The following CTDSP1 variants were observed in gnomAD, a reference collection of about 807,000 sequenced individuals.
CTDSP1 encodes carboxy-terminal domain RNA polymerase II polypeptide A small phosphatase 1.
Under a neutral mutation model 32.5 loss-of-function variants are expected in CTDSP1, and 15 were observed. The ratio of observed to expected loss-of-function variants is 0.46; its 90% confidence interval spans 0.31 to 0.71. The LOEUF is 0.71. Among genes scored for constraint, CTDSP1 ranks in the 30% least tolerant of loss-of-function variants. CTDSP1 has a pLI of 0.05. For synonymous variants in CTDSP1, 185 were observed against 145.4 expected (o/e 1.27, Z -1.96); for missense variants, 294 against 351.1 (o/e 0.84, Z 1.30).
rs906183602 is a variant in CTDSP1, at chr2:218,403,432, G to A, written c.657+15G>A. The stretch of plus-strand genomic sequence containing the variant: ...CAGACAATGCTGTGAGTGCGGGCTG[G>A]ACTGGGACTGGGACAGGAGCTGAGA... On this transcript the variant is annotated intron_variant, in intron 6 of 6. Transcript: ENST00000273062. The A allele has an allele frequency of 6.4e-7, 1 of 1,561,500 alleles. No individual in the cohort carries two copies.
chr2:218,400,610 C>T (rs1307150574), intron 1 of CTDSP1: 1 of 393,548 alleles, frequency 2.5e-6, no homozygotes, highest in Admixed American at 2.9e-5. Flanking sequence ...TGACAGCAGG[C>T]TGGGGAGGCT....
At chr2:218,402,054 G>A (rs902298326) in intron 2 of CTDSP1, 57 bp from the exon 3 acceptor site, 1 of 1,204,172 alleles carries the variant, frequency 8.3e-7, no homozygotes, top group Non-Finnish European at 1.2e-6. Flanking sequence ...AAGCCTGCGT[G>A]GGAGGAAGGA....
chr2:218,403,944 C>G (rs985491465), intron 6 of CTDSP1, among the ~76,000 whole-genome samples: 3 of 152,044 alleles, frequency 2.0e-5, no homozygotes, highest in African/African-American at 7.2e-5. Context: ...CCTGGAGTCC[C>G]GGCTATGCAG....
In CTDSP1 at chr2:218,401,570, A is replaced by G. The variant is rs759244769; in HGVS notation, c.74A>G (p.Gln25Arg). 4.3e-6 allele frequency: 7 copies of G among 1,613,798 alleles called. No individual in the cohort carries two copies. The highest frequency in any genetic ancestry group is 5.9e-6 in the Non-Finnish European group (7 of 1,179,914). Residue 25 changes from glutamine to arginine, a missense_variant, in exon 2 of 7, where the codon CAG (glutamine) becomes CGG (arginine). Coordinates refer to ENST00000273062, the MANE Select transcript of CTDSP1 (RefSeq NM_021198.3). ...TTGTGCCTCCCTACTTCAGGTGACC[A>G]GAAGTCAGCAGCTTCCCAGAAGCCC... ...ARGPLRGKGD[Q>R]KSAASQKPRS... is the part of the protein sequence containing the mutation.
chr2:218,401,011 G>A, intron 1 of CTDSP1: 1 of 443,798 alleles, frequency 2.3e-6, no homozygotes, highest in Admixed American at 2.4e-5. Flanking sequence ...CAATCAGGCT[G>A]CTGGGCTCCA....
At chr2:218,402,612 C>G (rs775574642) in intron 4 of CTDSP1, 1 of 756,568 alleles carries the variant, frequency 1.3e-6, no homozygotes, top group East Asian at 2.5e-5. Flanking sequence ...CTCCTCTAGG[C>G]TCCCCCGTGC....
chr2:218,401,020 C>T (rs1206980626), intron 1 of CTDSP1: 2 of 438,896 alleles, frequency 4.6e-6, no homozygotes, highest in East Asian at 1.4e-4. Flanking sequence ...TGCTGGGCTC[C>T]AGGTCGGAGG....
chr2:218,403,051 G>T lies in CTDSP1; in HGVS notation c.395G>T (p.Arg132Leu). The T allele has an allele frequency of 6.2e-7, 1 of 1,613,946 alleles. No homozygotes were observed. The highest frequency in any genetic ancestry group is 8.5e-7 in the Non-Finnish European group (1 of 1,179,944). Residue 132 changes from arginine to leucine, a missense_variant, in exon 5 of 7, where the codon CGT (arginine) becomes CTT (leucine). This residue lies in a region of CTDSP1 where 146 missense variants were observed against 237.7 expected (regional missense o/e 0.61). Transcript: ENST00000273062. The part of the protein sequence containing the change: ...GVVHQVYVLK[R>L]PHVDEFLQRM... ...GCCCCCCAGGTCTACGTGTTGAAGC[G>T]TCCTCACGTGGATGAGTTCCTGCAG...
chr2:218,401,859 C>A, intron 2 of CTDSP1, 147 bp downstream of exon 2: 1 of 820,114 alleles, frequency 1.2e-6, no homozygotes, highest in Non-Finnish European at 1.9e-6. Flanking sequence ...CCTGCCAGGC[C>A]CTGCCCACTG....
intron 4 of CTDSP1, 138 bp downstream of exon 4, chr2:218,402,543 C>T (rs1034425890): frequency 6.6e-6 from 6 of 909,634 alleles, no homozygotes; most frequent in African/African-American, 6.5e-5. Flanking sequence ...TGAGACTTGT[C>T]CCAAAGTCAC....
upstream of CTDSP1, chr2:218,399,803 A>G (rs1395645436): frequency 8.9e-7 from 1 of 1,123,804 alleles, no homozygotes; most frequent in Admixed American, 5.0e-5. Context: ...AGCCGAGTCC[A>G]GGTCACGCCG....
chr2:218,399,233 G>T (rs1297938761), upstream of CTDSP1: 2 of 152,298 alleles, frequency 1.3e-5, no homozygotes, highest in African/African-American at 4.8e-5. Context: ...GGCCCCGGGT[G>T]GGGCCGTGGG....
At chr2:218,402,520 C>A in intron 4 of CTDSP1, 115 bp downstream of exon 4, 1 of 1,088,088 alleles carries the variant, frequency 9.2e-7, no homozygotes. Flanking sequence ...ATGTCAGAGG[C>A]CCAGAGAGGG....
At chr2:218,400,633 C>T (rs1388465846) in intron 1 of CTDSP1, 1 of 420,720 alleles carries the variant, frequency 2.4e-6, no homozygotes, top group Non-Finnish European at 4.8e-6. Context: ...GAGGGATCTC[C>T]CGCCAACACA....
At chr2:218,399,302 C>G (rs1264988213), upstream of CTDSP1, 2 of 152,350 alleles carry the variant, frequency 1.3e-5, no homozygotes, top group East Asian at 3.9e-4. Flanking sequence ...TCCTACAGAC[C>G]GGGGGCACCT....
upstream of CTDSP1, among the ~76,000 whole-genome samples, chr2:218,397,513 G>A (rs1193691266): frequency 6.6e-6 from 1 of 152,188 alleles, no homozygotes; most frequent in African/African-American, 2.4e-5. Context: ...TTTGGCAGAT[G>A]GGGAAACTGA....
At position 218,402,423 on chromosome 2, in the gene CTDSP1, G is replaced by A; in HGVS notation, c.378+18G>A. The A allele has an allele frequency of 6.2e-7, 1 of 1,600,570 alleles. No individual in the cohort carries two copies. Among genetic ancestry groups the A allele is most frequent in the Non-Finnish European group, 8.5e-7 (1 of 1,172,924 alleles). ...TCCACCAGGTGAGGGCCAGGAAGAG[G>A]CAGTGGTGGGCTTGGCATCTGCCTC... is the stretch of plus-strand genomic sequence containing the variant. On this transcript the variant is annotated intron_variant, in intron 4 of 6. Transcript: ENST00000273062.
intron 1 of CTDSP1, chr2:218,401,268 A>G: frequency 4.1e-6 from 2 of 483,456 alleles, no homozygotes; most frequent in East Asian, 3.9e-5. Flanking sequence ...GCAGTCATGG[A>G]GGCTGTGAGA....
In CTDSP1 at chr2:218,404,859, C is replaced by G. The variant is rs1218151242; in HGVS notation, c.*434C>G. The G allele has an allele frequency of 6.3e-6, 1 of 159,212 alleles. No homozygotes were observed. Among genetic ancestry groups the G allele is most frequent in the Admixed American group, 6.4e-5 (1 of 15,674 alleles). 9.9% of individuals were successfully genotyped at this position (159,212 alleles called of 1,614,324 possible). The stretch of plus-strand genomic sequence containing the variant: ...AGCCCCCTCTTCCCCGCCCAGCTTT[C>G]CCAGGGGCACAGCTCTAGGCTGGGA... On this transcript the variant is annotated 3_prime_UTR_variant, in exon 7 of 7. Transcript: ENST00000273062.
Sources: gnomAD v4.1 joint callset for allele counts (sites outside exome capture counted in the v4.1 genomes callset) on GRCh38, gnomAD v4.1.1 for gene constraint, gnomAD v4.1.1 regional missense constraint, MANE v1.5 for transcripts, NCBI Gene and HGNC (gene_info 2026-07-23, HGNC 2026-07-21) for gene names.